The following INPP4B variants were observed in gnomAD, a reference collection of about 807,000 sequenced individuals.
INPP4B encodes the protein inositol polyphosphate 4-phosphatase type II.
Under a neutral mutation model 122.5 loss-of-function variants are expected in INPP4B, and 55 were observed. The observed-to-expected ratio is 0.45, with a 90% CI of 0.36 to 0.56. INPP4B has a LOEUF of 0.56. INPP4B is among the 20% of genes least tolerant of loss of function. The probability of loss-of-function intolerance (pLI) is 0.00; values close to 1 mark genes in which losing one functional copy is unlikely to be tolerated. For missense variants in INPP4B, 1,000 were observed against 1,097.7 expected (o/e 0.91, Z 1.26); for synonymous variants, 403 against 388.7 (o/e 1.04, Z -0.43).
chr4:142,468,971 G>A (rs990831442), intron 2 of INPP4B, among the ~76,000 whole-genome samples: 2 of 152,004 alleles, frequency 1.3e-5, no homozygotes, highest in African/African-American at 4.8e-5. Flanking sequence ...CTAGAATCTA[G>A]ATTAAACTAT....
intron 1 of INPP4B, among the ~76,000 whole-genome samples, chr4:142,814,844 G>T (rs898223337): frequency 1.3e-5 from 2 of 152,140 alleles, no homozygotes; most frequent in Non-Finnish European, 2.9e-5. Flanking sequence ...ATCTCAAGGG[G>T]ATGGAGCATA....
chr4:142,838,996 G>A (rs1410176451), intron 1 of INPP4B, among the ~76,000 whole-genome samples: 1 of 152,210 alleles, frequency 6.6e-6, no homozygotes, highest in Non-Finnish European at 1.5e-5. Context: ...CTCACTCACT[G>A]AAAGTTCAGT....
intron 6 of INPP4B, among the ~76,000 whole-genome samples, chr4:142,403,561 C>A (rs2149167880): frequency 6.6e-6 from 1 of 151,804 alleles, no homozygotes; most frequent in African/African-American, 2.4e-5. Context: ...TCCTCAGAAT[C>A]ACTTGAAAAC....
At chr4:142,158,610 C>A (rs1818449263) in intron 17 of INPP4B, among the ~76,000 whole-genome samples, 1 of 152,172 alleles carries the variant, frequency 6.6e-6, no homozygotes, top group South Asian at 2.1e-4. Flanking sequence ...TCTTTCTAAG[C>A]TTTGTTGCAA....
At chr4:142,491,503 A>C (rs1408672906) in intron 2 of INPP4B, among the ~76,000 whole-genome samples, 1 of 152,066 alleles carries the variant, frequency 6.6e-6, no homozygotes, top group Non-Finnish European at 1.5e-5. Context: ...AAAAGACAAA[A>C]AAAATTAGCC....
At chr4:142,615,159 A>C (rs1348380969) in intron 2 of INPP4B, among the ~76,000 whole-genome samples, 4 of 152,278 alleles carry the variant, frequency 2.6e-5, no homozygotes, top group African/African-American at 9.6e-5. Context: ...GTTAGTTCTG[A>C]GTCAGTATGA....
intron 3 of INPP4B, among the ~76,000 whole-genome samples, chr4:142,439,135 T>G: frequency 6.6e-6 from 1 of 152,134 alleles, no homozygotes; most frequent in Non-Finnish European, 1.5e-5. Context: ...GCCTCCTAGA[T>G]CGCTCCAAGT....
chr4:142,579,879 GTAGA>G (rs34007661), intron 2 of INPP4B, among the ~76,000 whole-genome samples: 9,024 of 141,252 alleles, frequency 0.064, 397 homozygotes, highest in South Asian at 0.077. Context: ...AGATAGGTAG[GTAGA>G]TAGATAGATA....
chr4:142,182,683 T>A (rs1347841137), intron 15 of INPP4B, among the ~76,000 whole-genome samples: 1 of 151,912 alleles, frequency 6.6e-6, no homozygotes. Context: ...GCAATGGAAA[T>A]GAATGGCTTA....
chr4:142,044,133 T>C (rs1749926096), intron 25 of INPP4B, among the ~76,000 whole-genome samples: 1 of 152,166 alleles, frequency 6.6e-6, no homozygotes, highest in African/African-American at 2.4e-5. Context: ...AAATACATTA[T>C]ATTTAAACAT....
chr4:142,303,545 T>C (rs964248018), intron 9 of INPP4B, among the ~76,000 whole-genome samples: 4 of 152,022 alleles, frequency 2.6e-5, no homozygotes, highest in Non-Finnish European at 5.9e-5. Flanking sequence ...GGAAAGAAAA[T>C]AAATTACATC....
At position 142,415,383 on chromosome 4, in the gene INPP4B, G is replaced by T. The variant is rs1805479768; in HGVS notation, c.137-10059C>A. Among the ~76,000 whole-genome samples, 3 of 152,172 alleles carry T rather than the reference G, an allele frequency of 2.0e-5. No individual in the cohort carries two copies. In the South Asian group the frequency reaches 6.2e-4, roughly 32 times the overall value. On this transcript the variant is annotated intron_variant, in intron 5 of 25. Coordinates refer to ENST00000262992, the MANE Select transcript of INPP4B (RefSeq NM_001101669.3). ...GAGTGAATGCACAAAATGGTGTCAGGCAGAAAAGACACATGAAAAAATGCT... is the reference window on the plus strand; with the variant it reads ...GAGTGAATGCACAAAATGGTGTCAGTCAGAAAAGACACATGAAAAAATGCT...
chr4:142,550,934 TA>T (rs1727841019), intron 2 of INPP4B, among the ~76,000 whole-genome samples: 1 of 152,106 alleles, frequency 6.6e-6, no homozygotes, highest in Non-Finnish European at 1.5e-5. Context: ...GTGTTGTGAG[TA>T]TGAAAGAGTT....
intron 9 of INPP4B, among the ~76,000 whole-genome samples, chr4:142,289,218 C>T (rs778675683): frequency 9.9e-5 from 15 of 152,040 alleles, no homozygotes; most frequent in Non-Finnish European, 1.8e-4. Context: ...TTCCTCTATT[C>T]AGAAATTTGC....
At chr4:142,064,775 AAAATT>A (rs1282857621) in intron 25 of INPP4B, among the ~76,000 whole-genome samples, 3 of 152,206 alleles carry the variant, frequency 2.0e-5, no homozygotes, top group African/African-American at 7.2e-5. Flanking sequence ...TTTATGTTAT[AAAATT>A]AAATTATGAA....
intron 15 of INPP4B, among the ~76,000 whole-genome samples, chr4:142,178,743 G>A (rs1200452556): frequency 6.6e-6 from 1 of 151,214 alleles, no homozygotes; most frequent in African/African-American, 2.4e-5. Flanking sequence ...AGAGTGGTGT[G>A]TCTCTTCTCC....
intron 2 of INPP4B, among the ~76,000 whole-genome samples, chr4:142,599,685 A>C (rs1739459635): frequency 6.6e-6 from 1 of 152,148 alleles, no homozygotes; most frequent in Non-Finnish European, 1.5e-5. Flanking sequence ...GATCCTAATA[A>C]AAGAAAAATT....
At chr4:142,233,734 A>C (rs1015371636) in intron 12 of INPP4B, among the ~76,000 whole-genome samples, 1 of 152,182 alleles carries the variant, frequency 6.6e-6, no homozygotes, top group Non-Finnish European at 1.5e-5. Flanking sequence ...AGGTTCTTTT[A>C]CAGGACAATT....
intron 2 of INPP4B, among the ~76,000 whole-genome samples, chr4:142,675,434 G>T (rs866103194): frequency 6.6e-6 from 1 of 152,098 alleles, no homozygotes; most frequent in Non-Finnish European, 1.5e-5. Flanking sequence ...AAAGGAGCTG[G>T]TACCATTCCT....
Sources: allele counts gnomAD v4.1 joint callset (sites outside exome capture counted in the v4.1 genomes callset), GRCh38; gene constraint gnomAD v4.1.1; transcripts MANE v1.5; gene names NCBI Gene and HGNC (gene_info 2026-07-23, HGNC 2026-07-21).